The following NFATC1 variants were observed in gnomAD, a reference collection of about 807,000 sequenced individuals.
NFATC1 encodes the protein nuclear factor of activated T-cells, cytoplasmic 1.
In NFATC1, 22 loss-of-function variants were observed where a neutral mutation model predicts 76.0. The observed-to-expected ratio is 0.29, with a 90% confidence interval of 0.21 to 0.41. NFATC1 has a LOEUF of 0.41. NFATC1 is among the 10% of genes least tolerant of loss of function. NFATC1 has a pLI of 1.00. For missense variants in NFATC1, 1,357 were observed against 1,337.7 expected, an observed-to-expected ratio of 1.01 and a Z score of -0.23; for synonymous variants, 704 against 613.1, an observed-to-expected ratio of 1.15 and a Z score of -2.19.
At chr18:79,479,119 T>G (rs1220819978) in intron 8 of NFATC1, among the ~76,000 whole-genome samples, 1 of 152,238 alleles carries the variant, frequency 6.6e-6, no homozygotes, top group Non-Finnish European at 1.5e-5. Context: ...CCTTCCACAC[T>G]CTGCTCTTTG....
intron 3 of NFATC1, among the ~76,000 whole-genome samples, chr18:79,445,286 T>G (rs988233067): frequency 9.2e-5 from 14 of 152,222 alleles, no homozygotes; most frequent in Non-Finnish European, 1.5e-5. Context: ...CAGGAACACC[T>G]GGCTCTGCAG....
chr18:79,405,536 G>A (rs114659926), intron 1 of NFATC1, among the ~76,000 whole-genome samples: 1,570 of 152,380 alleles, frequency 0.01, 21 homozygotes, highest in African/African-American at 0.035. Flanking sequence ...GGAGCTGGGA[G>A]GGAGGGGCTC....
chr18:79,413,745 A>T (rs765975678), intron 2 of NFATC1, among the ~76,000 whole-genome samples: 1 of 152,192 alleles, frequency 6.6e-6, no homozygotes, highest in Non-Finnish European at 1.5e-5. Context: ...CTGGGCGGCA[A>T]GGTGTCCGCA....
chr18:79,454,762 G>A (rs1049466098), intron 6 of NFATC1, among the ~76,000 whole-genome samples: 1 of 152,066 alleles, frequency 6.6e-6, no homozygotes, highest in Non-Finnish European at 1.5e-5. Flanking sequence ...GTGGGGAGCC[G>A]AGGGCCGGGT....
rs1047078830 is a variant in NFATC1, at chr18:79,524,649, G to A, written c.2783-2879G>A. ...AGGCCTCGACAGCTCTCTTGAGGTCGGCCCTCCTCCCCTCCCGAGAGCTCA... is the reference window on the plus strand; with the variant it reads ...AGGCCTCGACAGCTCTCTTGAGGTCAGCCCTCCTCCCCTCCCGAGAGCTCA... On this transcript the variant is annotated intron_variant, in intron 9 of 9. Coordinates refer to ENST00000427363, the MANE Select transcript of NFATC1 (RefSeq NM_001278669.2). The surrounding 1 kb of genome is among the most constrained non-coding windows in gnomAD (Gnocchi z 7.2). 2.0e-5 allele frequency among the ~76,000 whole-genome samples: 3 copies of A among 152,100 alleles called. No individual in the cohort carries two copies. The highest frequency in any genetic ancestry group is 2.9e-5 in the Non-Finnish European group (2 of 67,996).
At chr18:79,429,706 A>T (rs1007018534) in intron 2 of NFATC1, among the ~76,000 whole-genome samples, 1 of 152,230 alleles carries the variant, frequency 6.6e-6, no homozygotes, top group African/African-American at 2.4e-5. Context: ...GAGCTGCCAA[A>T]TTCATGCTGA....
At chr18:79,441,276 C>T (rs941368010) in intron 3 of NFATC1, among the ~76,000 whole-genome samples, 1 of 152,138 alleles carries the variant, frequency 6.6e-6, no homozygotes, top group Non-Finnish European at 1.5e-5. Flanking sequence ...TCTTCCACCC[C>T]AGGATTCCTC....
Position 79,428,299 on chromosome 18 carries a change from G to C in NFATC1, c.1227-5280G>C, listed in dbSNP as rs1429231297. Among the ~76,000 whole-genome samples the C allele has an allele frequency of 2.6e-5, 4 of 152,176 alleles. No individual in the cohort carries two copies. The South Asian group carries it at 8.3e-4, about 31-fold the overall frequency. ...TTTTATTATTTGTATATAATGTGTT[G>C]TTTTCAGTCTTGCACTGGTGTTTTT... On this transcript the variant is annotated intron_variant, in intron 2 of 9. Coordinates refer to ENST00000427363, the MANE Select transcript of NFATC1 (RefSeq NM_001278669.2).
chr18:79,475,572 C>T (rs1427610624), intron 8 of NFATC1, among the ~76,000 whole-genome samples: 1 of 149,624 alleles, frequency 6.7e-6, no homozygotes, highest in Non-Finnish European at 1.5e-5. Context: ...CGCTCACTGT[C>T]GACGTTGCGA....
At chr18:79,482,479 T>G (rs1249667888) in intron 8 of NFATC1, among the ~76,000 whole-genome samples, 1 of 143,066 alleles carries the variant, frequency 7.0e-6, no homozygotes, top group African/African-American at 2.6e-5. Context: ...TGGGGTGTCA[T>G]TCCAGCATGA....
chr18:79,513,548 G>A (rs768374457), intron 9 of NFATC1, among the ~76,000 whole-genome samples: 89 of 152,264 alleles, frequency 5.8e-4, no homozygotes, highest in Non-Finnish European at 1.2e-3. Flanking sequence ...CGAAAACATC[G>A]TGGTGGTGAG....
intron 4 of NFATC1, among the ~76,000 whole-genome samples, chr18:79,449,308 C>T (rs1364455659): frequency 6.6e-6 from 1 of 152,188 alleles, no homozygotes; most frequent in Non-Finnish European, 1.5e-5. Context: ...AAAACGTGAG[C>T]ATCAAAAAAT....
intron 8 of NFATC1, among the ~76,000 whole-genome samples, chr18:79,480,143 T>C (rs776117598): frequency 1.1e-4 from 17 of 152,122 alleles, no homozygotes; most frequent in Non-Finnish European, 2.2e-4. Flanking sequence ...CAAGATGCCG[T>C]CGTGGGTGGG....
chr18:79,472,935 G>C (rs562344357), intron 8 of NFATC1, among the ~76,000 whole-genome samples: 1 of 152,316 alleles, frequency 6.6e-6, no homozygotes, highest in East Asian at 1.9e-4. Flanking sequence ...CACCCCTCGT[G>C]CGCCCTCCAA....
chr18:79,500,933 T>A (rs1028952639), intron 9 of NFATC1, among the ~76,000 whole-genome samples: 5 of 152,164 alleles, frequency 3.3e-5, no homozygotes, highest in Non-Finnish European at 4.4e-5. Flanking sequence ...ATAATACCAG[T>A]GCCAATACTC....
At chr18:79,423,007 G>T (rs1281526475) in intron 2 of NFATC1, among the ~76,000 whole-genome samples, 7 of 151,796 alleles carry the variant, frequency 4.6e-5, no homozygotes, top group Non-Finnish European at 1.0e-4. Flanking sequence ...TAGAGGGGTG[G>T]GGACAGTGTT....
chr18:79,406,753 C>A (rs551369563), intron 1 of NFATC1, among the ~76,000 whole-genome samples: 2 of 152,082 alleles, frequency 1.3e-5, no homozygotes, highest in African/African-American at 4.8e-5. Flanking sequence ...GGCCTGCGCT[C>A]GACAAAACCC....
intron 3 of NFATC1, among the ~76,000 whole-genome samples, chr18:79,437,807 G>C (rs1172537634): frequency 6.6e-6 from 1 of 152,232 alleles, no homozygotes; most frequent in African/African-American, 2.4e-5. Context: ...GAGTTCGCGA[G>C]TGCTCTGGGT....
chr18:79,456,478 C>T (rs893370456), intron 6 of NFATC1, among the ~76,000 whole-genome samples: 19 of 152,256 alleles, frequency 1.2e-4, no homozygotes, highest in Non-Finnish European at 2.4e-4. Context: ...CTGCAGGCCC[C>T]GATTTCCCCA....
Sources: allele counts gnomAD v4.1 joint callset (sites outside exome capture counted in the v4.1 genomes callset), GRCh38; gene constraint gnomAD v4.1.1; non-coding constraint Gnocchi (gnomAD v3.1); transcripts MANE v1.5; gene names NCBI Gene and HGNC (gene_info 2026-07-23, HGNC 2026-07-21).